Variants in NOS3 observed in about 807,000 individuals in gnomAD.
NOS3 encodes the protein nitric oxide synthase 3.
NOS3 carries 98 observed loss-of-function variants against 144.9 expected under a neutral mutation model. The observed-to-expected ratio is 0.68, with a 90% CI of 0.57 to 0.80. NOS3 has a LOEUF of 0.80. Among genes scored for constraint, NOS3 ranks in the 30% least tolerant of loss-of-function variants. The probability of loss-of-function intolerance (pLI) is 0.00; values close to 1 mark genes in which losing one functional copy is unlikely to be tolerated. For missense variants in NOS3, 1,465 were observed against 1,656.4 expected, an observed-to-expected ratio of 0.88 and a Z score of 2.01; for synonymous variants, 714 against 702.4, an observed-to-expected ratio of 1.02 and a Z score of -0.26.
At position 151,009,544 on chromosome 7, in the gene NOS3, CTG is replaced by C; in HGVS notation, c.2472_2473del (p.Glu825AlafsTer206). Reference sequence around the variant, plus strand: ...CGCGTGGAGGACCCGCCGGCGCCCACTGAGCCCGTGGCAGTAGAGCAGCTGGA... The same window carrying C: ...CGCGTGGAGGACCCGCCGGCGCCCACAGCCCGTGGCAGTAGAGCAGCTGGA... On this transcript the variant is annotated frameshift_variant, in exon 20 of 27. Transcript: ENST00000297494. LOFTEE classifies it high-confidence loss of function. The C allele has an allele frequency of 6.5e-7, 1 of 1,544,716 alleles. No homozygotes were observed. The highest frequency in any genetic ancestry group is 1.2e-5 in the South Asian group (1 of 83,786).
In NOS3 at chr7:150,998,997, C is replaced by A; in HGVS notation, c.868C>A (p.Pro290Thr). The change falls in exon 8 of 27, where the codon CCC becomes ACC. Residue 290 changes from proline to threonine, a missense_variant. By Grantham distance (38) the Pro-to-Thr change is conservative. This residue lies in a region of NOS3 where 12 missense variants were observed against 30.1 expected (regional missense o/e 0.40). Transcript: ENST00000297494. The surrounding 1 kb of genome is among the most constrained non-coding windows in gnomAD (Gnocchi z 5.0). ...AGGAAACGGTCGCTTCGACGTGCTG[C>A]CCCTGCTGCTGCAGGCCCCAGATGA... Reference protein sequence around the residue: ...TPGNGRFDVLPLLLQAPDDPP... With the variant: ...TPGNGRFDVLTLLLQAPDDPP... 6.2e-7 allele frequency: 1 copy of A among 1,612,644 alleles called. No homozygotes were observed. Among genetic ancestry groups the A allele is most frequent in the Non-Finnish European group, 8.5e-7 (1 of 1,179,892 alleles).
rs754048733 is a variant in NOS3, at chr7:151,013,690, C to A, written c.3256-34C>A. 8.0e-5 allele frequency: 121 copies of A among 1,515,628 alleles called. 1 individual carries two copies. The Middle Eastern group carries it at 1.3e-3, about 17-fold the overall frequency. The allele number at this position is 1,515,628 out of a possible 1,614,324, so 93.9% of individuals were successfully genotyped here. On this transcript the variant is annotated intron_variant, in intron 25 of 26. Coordinates refer to ENST00000297494, the MANE Select transcript of NOS3 (RefSeq NM_000603.5). The stretch of plus-strand genomic sequence containing the variant: ...CGGGCTGCGCCCCCGCGCCCACCCC[C>A]ACCAGGGCCCGCCCTAACCCCGCCG...
chr7:151,001,788 C>A (rs754524022), intron 12 of NOS3, 33 bp from the exon 13 acceptor site: 41 of 1,612,908 alleles, frequency 2.5e-5, no homozygotes, highest in Non-Finnish European at 3.3e-5. Context: ...CCTCTGTGCA[C>A]CCAGGACACC....
chr7:151,006,556 A>C, intron 15 of NOS3, 62 bp downstream of exon 15: 1 of 1,368,260 alleles, frequency 7.3e-7, no homozygotes, highest in East Asian at 2.3e-5. Context: ...CACAAACAGA[A>C]AGGGGGTCTG....
chr7:151,013,473 C>G, intron 25 of NOS3, 94 bp downstream of exon 25: 4 of 1,462,914 alleles, frequency 2.7e-6, no homozygotes, highest in Non-Finnish European at 3.7e-6. Context: ...ACGGCCCTCC[C>G]GTGGCCTCCC....
Position 151,010,136 on chromosome 7 carries a change from T to C in NOS3, c.2534T>C (p.Val845Ala), listed in dbSNP as rs759020736. ...CCAGGTGGCCCTCCCCCCGGCTGGG[T>C]GCGGGACCCCCGGCTGCCCCCGTGC... is the stretch of plus-strand genomic sequence containing the variant. ...GSPGGPPPGW[V>A]RDPRLPPCTL... Residue 845 changes from valine to alanine, a missense_variant, in exon 21 of 27, where the codon GTG becomes GCG. Physicochemically the swap from Val to Ala is moderately conservative, Grantham distance 64 (BLOSUM62 0). This residue lies in a region of NOS3 where 745 missense variants were observed against 853.9 expected (regional missense o/e 0.87). Transcript: ENST00000297494. 3 of 1,598,100 alleles carry C rather than the reference T, an allele frequency of 1.9e-6. No homozygotes were observed. The highest frequency in any genetic ancestry group is 2.6e-6 in the Non-Finnish European group (3 of 1,173,180).
chr7:151,001,190 T>A, intron 10 of NOS3, 41 bp from the exon 11 acceptor site: 1 of 1,600,568 alleles, frequency 6.2e-7, no homozygotes, highest in East Asian at 2.2e-5. Context: ...GCGAGGTCTG[T>A]GGGTCTGGTT....
chr7:151,011,851 T>C (rs1168392464), intron 23 of NOS3: 1 of 444,610 alleles, frequency 2.2e-6, no homozygotes, highest in Non-Finnish European at 4.5e-6. Flanking sequence ...AAGAGACCCT[T>C]CCTTCATGCT....
chr7:151,010,041 A>C (rs1365613435), intron 20 of NOS3, 74 bp from the exon 21 acceptor site: 42 of 967,540 alleles, frequency 4.3e-5, no homozygotes, highest in Non-Finnish European at 3.2e-6. Context: ...ACAGTCACCA[A>C]AACACAAACA....
In NOS3 at chr7:150,998,332, T is replaced by A; in HGVS notation, c.583-25T>A. 1 of 1,604,872 alleles carries A rather than the reference T, an allele frequency of 6.2e-7. No homozygotes were observed. Among genetic ancestry groups the A allele is most frequent in the Non-Finnish European group, 8.5e-7 (1 of 1,176,110 alleles). On this transcript the variant is annotated intron_variant, in intron 5 of 26. Coordinates refer to ENST00000297494, the MANE Select transcript of NOS3 (RefSeq NM_000603.5). The surrounding 1 kb of genome is among the most constrained non-coding windows in gnomAD (Gnocchi z 5.0). The stretch of plus-strand genomic sequence containing the variant: ...CCCCCCGTCTCTCTCCTCACCCTCC[T>A]CTCCCGCTGCCTCGGCTGGCTCAGG...
In NOS3 at chr7:151,009,201, T is replaced by A. The variant is rs769796380; in HGVS notation, c.2258T>A (p.Val753Glu). 1 of 1,613,162 alleles carries A rather than the reference T, an allele frequency of 6.2e-7. No individual in the cohort carries two copies. The highest frequency in any genetic ancestry group is 1.1e-5 in the South Asian group (1 of 91,048). ...TCCCCGCCCCCAGGTCTGATCCACG[T>A]GCACAGGCGGAAGATGTTCCAGGCT... ...GLQLLPGLIH[V>E]HRRKMFQATI... Residue 753 changes from valine (V) to glutamate (E), a missense_variant, in exon 19 of 27, where the codon GTG (valine) becomes GAG (glutamate). Val to Glu is a moderately radical substitution (Grantham distance 121, BLOSUM62 -2). Around this residue, in one of 5 missense-constraint regions of NOS3, gnomAD observed 745 missense variants for 853.9 expected, o/e 0.87. Coordinates refer to ENST00000297494, the MANE Select transcript of NOS3 (RefSeq NM_000603.5).
chr7:151,009,429 G>A lies in NOS3; in HGVS notation c.2356G>A (p.Gly786Arg), dbSNP rs749182113. 2.9e-5 allele frequency: 43 copies of A among 1,498,924 alleles called. No homozygotes were observed. In the South Asian group the frequency reaches 4.7e-4, roughly 16 times the overall value. 92.9% of individuals were successfully genotyped at this position (1,498,924 alleles called of 1,614,324 possible). ...RATILVRLDT[G>R]GQEGLQYQPG... ...CACCATCCTGGTGCGCCTGGACACCGGAGGCCAGGAGGGGCTGCAGTACCA... is the reference window on the plus strand; with the variant it reads ...CACCATCCTGGTGCGCCTGGACACCAGAGGCCAGGAGGGGCTGCAGTACCA... The change falls in exon 20 of 27, where the codon GGA (glycine) becomes AGA (arginine). Residue 786 changes from glycine (G) to arginine (R), a missense_variant. This residue lies in a region of NOS3 where 745 missense variants were observed against 853.9 expected (regional missense o/e 0.87). Transcript: ENST00000297494.
chr7:150,998,491 A>T lies in NOS3; in HGVS notation c.674+43A>T, dbSNP rs770071013. 1 of 1,611,190 alleles carries T rather than the reference A, an allele frequency of 6.2e-7. No homozygotes were observed. The highest frequency in any genetic ancestry group is 1.1e-5 in the South Asian group (1 of 90,748). ...TGCCAGGCCCCAGCCTTCTTCCCCA[A>T]GGCAGGGAAGGCGGGGCTCTGACCA... On this transcript the variant is annotated intron_variant, in intron 6 of 26. Transcript: ENST00000297494. This position sits in a 1 kb window ranked among gnomAD's most constrained non-coding sequence, Gnocchi z 5.0.
chr7:151,013,957 C>T, intron 26 of NOS3, 39 bp downstream of exon 26: 1 of 1,604,914 alleles, frequency 6.2e-7, no homozygotes, highest in Non-Finnish European at 8.5e-7. Context: ...TGCGGGGTTC[C>T]TGCTAAGGTC....
At chr7:151,000,095 TGTGA>T (rs1307155947) in intron 9 of NOS3, among the ~76,000 whole-genome samples, 18 of 94,334 alleles carry the variant, frequency 1.9e-4, no homozygotes, top group Non-Finnish European at 3.3e-4. Context: ...GGTGGGTGGG[TGTGA>T]GTGTGTGGGT....
At position 151,012,515 on chromosome 7, in the gene NOS3, A is replaced by G. The variant is rs769318226; in HGVS notation, c.3106+43A>G. 4 of 1,587,612 alleles carry G rather than the reference A, an allele frequency of 2.5e-6. No individual in the cohort carries two copies. The Admixed American group carries it at 6.8e-5, about 27-fold the overall frequency. On this transcript the variant is annotated intron_variant, in intron 24 of 26. Transcript: ENST00000297494. ...AGGACTGCCTGAAGGGAGTCACACA[A>G]TCTAGGGACAGAGGGGTGGGGCTGG...
chr7:151,001,528 C>T lies in NOS3; in HGVS notation c.1429-16C>T. Reference sequence around the variant, plus strand: ...TTTTCTTTACCTCCCCTCCCAACCCCATCATCTCTCTGCAGCCAGACCCCT... The same window carrying T: ...TTTTCTTTACCTCCCCTCCCAACCCTATCATCTCTCTGCAGCCAGACCCCT... On this transcript the variant is annotated splice_polypyrimidine_tract_variant and intron_variant, in intron 11 of 26. Coordinates refer to ENST00000297494, the MANE Select transcript of NOS3 (RefSeq NM_000603.5). The T allele has an allele frequency of 1.2e-6, 2 of 1,613,508 alleles. No homozygotes were observed. The highest frequency in any genetic ancestry group is 4.5e-5 in the East Asian group (2 of 44,876).
At chr7:151,010,402 A>G in intron 21 of NOS3, 115 bp downstream of exon 21, 1 of 1,094,872 alleles carries the variant, frequency 9.1e-7, no homozygotes, top group South Asian at 1.6e-5. Context: ...CTCCTGGCCG[A>G]CATGCACTGG....
At chr7:151,009,313 C>G in intron 19 of NOS3, 46 bp downstream of exon 19, 1 of 1,469,854 alleles carries the variant, frequency 6.8e-7, no homozygotes, top group Non-Finnish European at 9.4e-7. Context: ...TCCTGAACAC[C>G]CTGACCCTGG....
Sources: allele counts gnomAD v4.1 joint callset (sites outside exome capture counted in the v4.1 genomes callset), GRCh38; gene constraint gnomAD v4.1.1; regional missense constraint gnomAD v4.1.1; non-coding constraint Gnocchi (gnomAD v3.1); transcripts MANE v1.5; gene names NCBI Gene and HGNC (gene_info 2026-07-23, HGNC 2026-07-21).